The following TMTC2 variants were observed in gnomAD, a reference collection of about 807,000 sequenced individuals.
TMTC2 encodes protein O-mannosyl-transferase TMTC2.
In TMTC2, 43 loss-of-function variants were observed where a neutral mutation model predicts 82.4. The ratio of observed to expected loss-of-function variants is 0.52; its 90% confidence interval spans 0.41 to 0.67. The LOEUF (loss-of-function observed/expected upper bound fraction) is 0.67. Among genes scored for constraint, TMTC2 ranks in the 30% least tolerant of loss-of-function variants. TMTC2 has a pLI of 0.00. For synonymous variants in TMTC2, 408 were observed against 381.9 expected (o/e 1.07, Z -0.80); for missense variants, 919 against 1,012.4 (o/e 0.91, Z 1.25).
In TMTC2 at chr12:82,985,908, A is replaced by G. The variant is rs759103624; in HGVS notation, c.1949-17A>G. On this transcript the variant is annotated splice_polypyrimidine_tract_variant and intron_variant, in intron 7 of 11. Transcript: ENST00000321196. ...CTGTATCCTCCCTTTGACCTTCATG[A>G]TTAATTCTCTTTCCAGGTGAAGCAT... The G allele has an allele frequency of 1.2e-6, 2 of 1,611,086 alleles. No homozygotes were observed. Among genetic ancestry groups the G allele is most frequent in the Non-Finnish European group, 1.7e-6 (2 of 1,177,814 alleles).
chr12:82,691,321 T>C (rs1279029020), intron 1 of TMTC2, among the ~76,000 whole-genome samples: 1 of 149,724 alleles, frequency 6.7e-6, no homozygotes, highest in Non-Finnish European at 1.5e-5. Context: ...TATTCCACTG[T>C]GCAGTAATTT....
In TMTC2 at chr12:82,978,920, G is replaced by T. The variant is rs1244114643; in HGVS notation, c.1949-7005G>T. ...ATATCCTCTTGCTGAATTGACACAT[G>T]TGTGGTTATATAATGACCCTCCTTG... On this transcript the variant is annotated intron_variant, in intron 7 of 11. Coordinates refer to ENST00000321196, the MANE Select transcript of TMTC2 (RefSeq NM_152588.3). 2.0e-5 allele frequency among the ~76,000 whole-genome samples: 3 copies of T among 151,632 alleles called. No homozygotes were observed. The East Asian group carries it at 5.8e-4, about 29-fold the overall frequency.
intron 8 of TMTC2, among the ~76,000 whole-genome samples, chr12:83,025,709 T>C (rs1358806734): frequency 6.6e-6 from 1 of 152,162 alleles, no homozygotes; most frequent in Non-Finnish European, 1.5e-5. Flanking sequence ...CAAACTTCTA[T>C]ACAACATGAC....
intron 8 of TMTC2, among the ~76,000 whole-genome samples, chr12:83,001,899 G>C (rs1879944192): frequency 6.6e-6 from 1 of 151,750 alleles, no homozygotes; most frequent in African/African-American, 2.4e-5. Flanking sequence ...GATTAACAAA[G>C]AAAAAAAAGA....
intron 2 of TMTC2, among the ~76,000 whole-genome samples, chr12:82,874,635 C>T (rs1872386694): frequency 6.6e-6 from 1 of 152,016 alleles, no homozygotes; most frequent in South Asian, 2.1e-4. Flanking sequence ...AATAATACCC[C>T]CTTTTCTCCC....
intron 11 of TMTC2, among the ~76,000 whole-genome samples, chr12:83,092,533 C>T (rs1883878541): frequency 6.6e-6 from 1 of 152,146 alleles, no homozygotes; most frequent in Admixed American, 6.6e-5. Context: ...AGCTGGCAGC[C>T]ATGTACCCAG....
intron 1 of TMTC2, among the ~76,000 whole-genome samples, chr12:82,814,762 G>T (rs1025439827): frequency 6.6e-6 from 1 of 152,142 alleles, no homozygotes; most frequent in Non-Finnish European, 1.5e-5. Context: ...AACAGAAATA[G>T]TCAGATGTGG....
chr12:83,027,533 C>T (rs763794695), intron 8 of TMTC2, among the ~76,000 whole-genome samples: 9 of 152,110 alleles, frequency 5.9e-5, no homozygotes, highest in Admixed American at 3.3e-4. Flanking sequence ...AAAATGATTT[C>T]GTCATATGTC....
chr12:82,787,937 T>A (rs554645382), intron 1 of TMTC2, among the ~76,000 whole-genome samples: 1 of 152,000 alleles, frequency 6.6e-6, no homozygotes, highest in Non-Finnish European at 1.5e-5. Context: ...ATAATAATTT[T>A]AAAAAAGTAA....
chr12:82,927,676 T>A (rs993539771), intron 3 of TMTC2, among the ~76,000 whole-genome samples: 24 of 152,338 alleles, frequency 1.6e-4, no homozygotes, highest in African/African-American at 5.8e-4. Flanking sequence ...TTATGTTGTC[T>A]TATTTTAAGA....
chr12:82,909,823 C>G (rs1874538062), intron 3 of TMTC2, among the ~76,000 whole-genome samples: 2 of 152,012 alleles, frequency 1.3e-5, no homozygotes, highest in South Asian at 4.2e-4. Flanking sequence ...AATCTGACAC[C>G]TATTAAGGAA....
intron 4 of TMTC2, among the ~76,000 whole-genome samples, chr12:82,962,420 TTGA>T (rs1877982291): frequency 6.6e-6 from 1 of 151,980 alleles, no homozygotes; most frequent in Non-Finnish European, 1.5e-5. Context: ...AAGATAAACC[TTGA>T]TGGGCAGAGT....
chr12:83,035,533 T>A (rs1336430879), intron 9 of TMTC2, among the ~76,000 whole-genome samples: 1 of 152,198 alleles, frequency 6.6e-6, no homozygotes, highest in Non-Finnish European at 1.5e-5. Context: ...AGCTCTTTTA[T>A]CAAAATTTTA....
At chr12:83,122,551 C>T (rs1884986330) in intron 11 of TMTC2, among the ~76,000 whole-genome samples, 1 of 152,156 alleles carries the variant, frequency 6.6e-6, no homozygotes, top group East Asian at 1.9e-4. Context: ...GACTCAGCTC[C>T]AGGCAAAGTC....
At chr12:83,029,110 G>A (rs1354238433) in intron 8 of TMTC2, among the ~76,000 whole-genome samples, 1 of 151,630 alleles carries the variant, frequency 6.6e-6, no homozygotes, top group Non-Finnish European at 1.5e-5. Flanking sequence ...TAGCAACAAT[G>A]AGTTTTTTGT....
At chr12:82,702,356 G>T (rs192422996) in intron 1 of TMTC2, among the ~76,000 whole-genome samples, 2 of 152,238 alleles carry the variant, frequency 1.3e-5, no homozygotes, top group Admixed American at 6.5e-5. Flanking sequence ...AACACTTTTG[G>T]TTCTTGTTGG....
intron 1 of TMTC2, among the ~76,000 whole-genome samples, chr12:82,738,408 A>ATC (rs1437075411): frequency 2.6e-5 from 4 of 152,160 alleles, no homozygotes; most frequent in Non-Finnish European, 5.9e-5. Flanking sequence ...AAGAAGAGTG[A>ATC]TCTAGTGCCT....
intron 1 of TMTC2, among the ~76,000 whole-genome samples, chr12:82,839,274 T>A (rs1396735936): frequency 4.6e-5 from 7 of 152,200 alleles, no homozygotes; most frequent in Non-Finnish European, 1.0e-4. Flanking sequence ...GGTCATCCTA[T>A]TCTGTTATTC....
chr12:83,063,574 A>G (rs890950000), intron 11 of TMTC2, among the ~76,000 whole-genome samples: 6 of 151,930 alleles, frequency 3.9e-5, no homozygotes, highest in African/African-American at 1.4e-4. Context: ...TGAGAAGTTA[A>G]TAACTCACCC....
Sources: allele counts gnomAD v4.1 joint callset (sites outside exome capture counted in the v4.1 genomes callset), GRCh38; gene constraint gnomAD v4.1.1; transcripts MANE v1.5; gene names NCBI Gene and HGNC (gene_info 2026-07-23, HGNC 2026-07-21).